CDH20: variants seen among roughly 807,000 people sequenced by gnomAD.
The protein encoded by CDH20 is cadherin-20.
Under a neutral mutation model 74.2 loss-of-function variants are expected in CDH20, and 29 were observed. The observed-to-expected ratio is 0.39, with a 90% CI of 0.29 to 0.53. The LOEUF (loss-of-function observed/expected upper bound fraction) is 0.53. Among genes scored for constraint, CDH20 ranks in the 20% least tolerant of loss-of-function variants. The pLI is 0.69. For synonymous variants in CDH20, 469 were observed against 405.4 expected, an observed-to-expected ratio of 1.16 and a Z score of -1.88; for missense variants, 988 against 1,048.3, an observed-to-expected ratio of 0.94 and a Z score of 0.79.
intron 1 of CDH20, among the ~76,000 whole-genome samples, chr18:61,455,706 T>G (rs959465582): frequency 6.6e-6 from 1 of 152,218 alleles, no homozygotes; most frequent in African/African-American, 2.4e-5. Context: ...TTTGACTACA[T>G]AATCATCTTC....
intron 1 of CDH20, among the ~76,000 whole-genome samples, chr18:61,442,821 C>T (rs982218244): frequency 6.6e-6 from 1 of 152,082 alleles, no homozygotes; most frequent in Non-Finnish European, 1.5e-5. Flanking sequence ...AGTAATTCAT[C>T]TCTGAGCAGT....
chr18:61,391,571 T>C (rs1377514718), intron 1 of CDH20: 1 of 152,234 alleles, frequency 6.6e-6, no homozygotes, highest in Non-Finnish European at 1.5e-5. Flanking sequence ...GATCAACATT[T>C]TTGAAATGTA....
chr18:61,381,560 C>T (rs1056782838), intron 1 of CDH20, among the ~76,000 whole-genome samples: 1 of 152,200 alleles, frequency 6.6e-6, no homozygotes, highest in African/African-American at 2.4e-5. Flanking sequence ...AATTATCTTG[C>T]TGCAAAGATG....
intron 1 of CDH20, among the ~76,000 whole-genome samples, chr18:61,397,707 G>A (rs1031144870): frequency 8.5e-5 from 13 of 152,098 alleles, no homozygotes; most frequent in African/African-American, 3.1e-4. Context: ...GCCTGCCTGG[G>A]TTCTAATCTC....
At chr18:61,373,289 G>T (rs957215943) in intron 1 of CDH20, among the ~76,000 whole-genome samples, 4 of 150,132 alleles carry the variant, frequency 2.7e-5, no homozygotes, top group Non-Finnish European at 3.0e-5. Flanking sequence ...GTTTTGTTTT[G>T]TTGTCTTGTT....
At chr18:61,501,780 G>A (rs1911392020) in intron 4 of CDH20, among the ~76,000 whole-genome samples, 1 of 152,184 alleles carries the variant, frequency 6.6e-6, no homozygotes, top group South Asian at 2.1e-4. Flanking sequence ...GGGCAAGGGG[G>A]AGAATGAAGA....
intron 1 of CDH20, among the ~76,000 whole-genome samples, chr18:61,373,255 T>A (rs2144161446): frequency 6.6e-6 from 1 of 152,078 alleles, no homozygotes; most frequent in South Asian, 2.1e-4. Context: ...CCCATCTCAA[T>A]GTATCTAACT....
chr18:61,462,742 G>C (rs1203227728), intron 1 of CDH20, among the ~76,000 whole-genome samples: 1 of 149,540 alleles, frequency 6.7e-6, no homozygotes, highest in Non-Finnish European at 1.5e-5. Context: ...GGGGCATCTA[G>C]GGCATGTCAA....
chr18:61,484,871 A>C (rs1012893245), intron 1 of CDH20, among the ~76,000 whole-genome samples: 1 of 152,028 alleles, frequency 6.6e-6, no homozygotes, highest in Non-Finnish European at 1.5e-5. Context: ...CATCCACCCC[A>C]TAGTTCCATT....
intron 6 of CDH20, among the ~76,000 whole-genome samples, chr18:61,520,542 T>C (rs1168902881): frequency 6.6e-6 from 1 of 150,406 alleles, no homozygotes; most frequent in East Asian, 1.9e-4. Context: ...AGATAGAAAA[T>C]TAACAAGGAT....
chr18:61,388,907 A>G (rs576446805), intron 1 of CDH20, among the ~76,000 whole-genome samples: 14 of 152,308 alleles, frequency 9.2e-5, no homozygotes, highest in African/African-American at 3.1e-4. Flanking sequence ...AAACAGACAT[A>G]ATAGTACCAT....
chr18:61,539,216 T>TTCACCATCAAAGCCATTTTGAC, intron 9 of CDH20, 71 bp downstream of exon 9: 3 of 1,520,378 alleles, frequency 2.0e-6, no homozygotes, highest in Non-Finnish European at 2.7e-6. Flanking sequence ...GATAACCAAA[T>TTCACCATCAAAGCCATTTTGAC]TCACCATCAA....
intron 1 of CDH20, among the ~76,000 whole-genome samples, chr18:61,386,655 C>T (rs1439617521): frequency 1.3e-5 from 2 of 152,032 alleles, no homozygotes; most frequent in Non-Finnish European, 2.9e-5. Flanking sequence ...GCATTGAAAA[C>T]AGTGAAACCA....
In CDH20 at chr18:61,490,388, C is replaced by T; in HGVS notation, c.-152-14C>T. ...ATCTGACATCATCACACTGTGTTTT[C>T]CTTAACTTGACAGGAAGTCAACTTC... On this transcript the variant is annotated splice_polypyrimidine_tract_variant and intron_variant, in intron 1 of 11. Coordinates refer to ENST00000262717, the MANE Select transcript of CDH20 (RefSeq NM_031891.4). 1 of 665,042 alleles carries T rather than the reference C, an allele frequency of 1.5e-6. No homozygotes were observed. The highest frequency in any genetic ancestry group is 3.3e-4 in the Middle Eastern group (1 of 3,028). The allele number at this position is 665,042 out of a possible 1,614,324, so 41.2% of individuals were successfully genotyped here. A position where few individuals can be genotyped will look rare whatever the true frequency, so the allele number is the denominator to read the frequency against.
At chr18:61,467,170 G>T (rs1222009161) in intron 1 of CDH20, among the ~76,000 whole-genome samples, 1 of 152,118 alleles carries the variant, frequency 6.6e-6, no homozygotes, top group African/African-American at 2.4e-5. Flanking sequence ...ATGATCAGCT[G>T]CCACTGGGGA....
At chr18:61,464,449 C>A (rs563595442) in intron 1 of CDH20, among the ~76,000 whole-genome samples, 1 of 152,278 alleles carries the variant, frequency 6.6e-6, no homozygotes, top group African/African-American at 2.4e-5. Context: ...CTCCCTTTGT[C>A]TCCATTAAAA....
intron 1 of CDH20, among the ~76,000 whole-genome samples, chr18:61,465,632 T>C (rs569761448): frequency 1.8e-4 from 28 of 152,018 alleles, no homozygotes; most frequent in Non-Finnish European, 3.7e-4. Context: ...GGTTGGAATT[T>C]TGTTTTCAAA....
At chr18:61,367,644 C>T (rs1168209753) in intron 1 of CDH20, among the ~76,000 whole-genome samples, 1 of 152,128 alleles carries the variant, frequency 6.6e-6, no homozygotes, top group Non-Finnish European at 1.5e-5. Flanking sequence ...CACCTTGAAT[C>T]ATTCTATGAC....
At chr18:61,343,517 C>T (rs1910020345) in intron 1 of CDH20, among the ~76,000 whole-genome samples, 1 of 152,102 alleles carries the variant, frequency 6.6e-6, no homozygotes. Context: ...CCTTTAGATA[C>T]CCAGTGTTTC....
Sources: allele counts gnomAD v4.1 joint callset (sites outside exome capture counted in the v4.1 genomes callset), GRCh38; gene constraint gnomAD v4.1.1; transcripts MANE v1.5; gene names NCBI Gene and HGNC (gene_info 2026-07-23, HGNC 2026-07-21).